Variants in ELL2 observed in about 807,000 individuals in gnomAD.
The protein encoded by ELL2 is RNA polymerase II elongation factor ELL2.
Under a neutral mutation model 72.8 loss-of-function variants are expected in ELL2, and 21 were observed. That is an observed-to-expected ratio of 0.29 (90% CI 0.20 to 0.42). The LOEUF is 0.42. Ranked by LOEUF, ELL2 falls within the 10% of genes least tolerant of loss-of-function variation. The probability of loss-of-function intolerance (pLI) is 1.00; values close to 1 mark genes in which losing one functional copy is unlikely to be tolerated. For missense variants in ELL2, 568 were observed against 772.8 expected (o/e 0.73, Z 3.14); for synonymous variants, 266 against 283.2 (o/e 0.94, Z 0.61).
chr5:95,894,254 G>A (rs28576772), intron 9 of ELL2, among the ~76,000 whole-genome samples: 2 of 152,252 alleles, frequency 1.3e-5, no homozygotes, highest in East Asian at 1.9e-4. Flanking sequence ...AACAAAAAAA[G>A]GGGGGATTAA....
intron 9 of ELL2, among the ~76,000 whole-genome samples, chr5:95,893,234 ATTG>A (rs1748732974): frequency 6.6e-6 from 1 of 152,194 alleles, no homozygotes; most frequent in Non-Finnish European, 1.5e-5. Context: ...TTTACGAAAA[ATTG>A]TTGTAGTTCT....
intron 2 of ELL2, among the ~76,000 whole-genome samples, chr5:95,939,348 A>T (rs573658698): frequency 1.5e-5 from 2 of 137,780 alleles, no homozygotes; most frequent in South Asian, 2.3e-4. Flanking sequence ...CTGAGGGTGG[A>T]GCCCATGCCA....
At chr5:95,923,315 C>G (rs542275588) in intron 2 of ELL2, among the ~76,000 whole-genome samples, 254 of 151,960 alleles carry the variant, frequency 1.7e-3, no homozygotes, top group Non-Finnish European at 2.5e-3. Context: ...TTGTTCTTAT[C>G]ATATGCCACA....
At chr5:95,904,386 GT>G (rs1580488826) in intron 5 of ELL2, among the ~76,000 whole-genome samples, 2 of 152,198 alleles carry the variant, frequency 1.3e-5, no homozygotes, top group East Asian at 3.9e-4. Context: ...TTAAAATTTA[GT>G]TTTTCCATAA....
chr5:95,956,370 G>A (rs1751627767), intron 1 of ELL2, among the ~76,000 whole-genome samples: 1 of 152,176 alleles, frequency 6.6e-6, no homozygotes, highest in Non-Finnish European at 1.5e-5. Flanking sequence ...AGCACAGACT[G>A]AAAATGGGTC....
chr5:95,948,652 C>T (rs1751267661), intron 1 of ELL2, among the ~76,000 whole-genome samples: 2 of 152,140 alleles, frequency 1.3e-5, no homozygotes, highest in South Asian at 4.1e-4. Flanking sequence ...TATCTTTAAA[C>T]ATTTGCTGAA....
chr5:95,901,162 A>G (rs1749123944), intron 5 of ELL2, 82 bp from the exon 6 acceptor site: 1 of 1,427,092 alleles, frequency 7.0e-7, no homozygotes, highest in Admixed American at 2.6e-5. Context: ...TAGGATTTAC[A>G]CTGAAAATAA....
rs1169301940 is a variant in ELL2 at position 95,954,596 on chromosome 5, C to CTTTTTTTTTTTTTT, written c.147+6965_147+6978dup. Among the ~76,000 whole-genome samples, 403 of 105,896 alleles carry CTTTTTTTTTTTTTT rather than the reference C, an allele frequency of 3.8e-3. 1 individual carries two copies. The highest frequency in any genetic ancestry group is 0.017 in the East Asian group (60 of 3,448). 69.5% of individuals were successfully genotyped at this position (105,896 alleles called of 152,430 possible). On this transcript the variant is annotated intron_variant, in intron 1 of 11. Coordinates refer to ENST00000237853, the MANE Select transcript of ELL2 (RefSeq NM_012081.6). ...TAATTTTCTTTTCTTTTTTTTTTTT[C>CTTTTTTTTTTTTTT]TTTTTTTTTTTTTTTTTTGTATTTT...
At chr5:95,953,900 C>T (rs1406307415) in intron 1 of ELL2, among the ~76,000 whole-genome samples, 1 of 152,120 alleles carries the variant, frequency 6.6e-6, no homozygotes, top group Non-Finnish European at 1.5e-5. Flanking sequence ...GGTCTGATTT[C>T]CATGTTAAAA....
intron 3 of ELL2, among the ~76,000 whole-genome samples, chr5:95,916,849 TAGAGTGAAGG>T (rs1749829322): frequency 6.6e-6 from 1 of 151,528 alleles, no homozygotes; most frequent in Admixed American, 6.6e-5. Flanking sequence ...ATGACTGCAA[TAGAGTGAAGG>T]TCTGGTGGCA....
intron 1 of ELL2, among the ~76,000 whole-genome samples, chr5:95,949,344 A>T (rs1302289612): frequency 4.6e-5 from 7 of 152,154 alleles, no homozygotes; most frequent in Non-Finnish European, 1.0e-4. Flanking sequence ...CATATTGCTT[A>T]CCCATGTAAA....
At chr5:95,924,419 A>G (rs1291188746) in intron 2 of ELL2, among the ~76,000 whole-genome samples, 4 of 152,184 alleles carry the variant, frequency 2.6e-5, no homozygotes, top group African/African-American at 9.7e-5. Flanking sequence ...CAATATTGGA[A>G]GACCATTCCT....
At chr5:95,960,703 CCT>C (rs1365195261) in intron 1 of ELL2, among the ~76,000 whole-genome samples, 1 of 152,088 alleles carries the variant, frequency 6.6e-6, no homozygotes, top group Non-Finnish European at 1.5e-5. Context: ...CGTCCGTGAA[CCT>C]CTCTCTCCAG....
At chr5:95,945,522 A>C (rs1751125465) in intron 1 of ELL2, among the ~76,000 whole-genome samples, 1 of 152,128 alleles carries the variant, frequency 6.6e-6, no homozygotes. Flanking sequence ...TGGGGTATTC[A>C]AGAGTGTGGG....
chr5:95,916,158 T>C (rs1228200823), intron 3 of ELL2, among the ~76,000 whole-genome samples: 3 of 151,750 alleles, frequency 2.0e-5, no homozygotes, highest in Non-Finnish European at 2.9e-5. Context: ...TGACAAAACG[T>C]GGTCAGTAGT....
Position 95,898,452 on chromosome 5 carries a change from A to C in ELL2, c.1313T>G (p.Leu438Ter). 1 of 1,613,750 alleles carries C rather than the reference A, an allele frequency of 6.2e-7. No individual in the cohort carries two copies. Among genetic ancestry groups the C allele is most frequent in the Non-Finnish European group, 8.5e-7 (1 of 1,179,930 alleles). Residue 438 changes from leucine (L) to a stop codon, truncating the protein, a stop_gained, in exon 8 of 12, where the codon TTA (leucine) becomes TGA (stop). Transcript: ENST00000237853. LOFTEE classifies it high-confidence loss of function. ...CTTTAGTAGAACGGAACCAGGGGGT[A>C]AGGTTTCCAGAGAAGTCCTAGAGGT... ...KYTSRTSLET[L>*]PPGSVLLKCP...
chr5:95,953,365 C>T (rs757808283), intron 1 of ELL2, among the ~76,000 whole-genome samples: 2 of 152,210 alleles, frequency 1.3e-5, no homozygotes, highest in Non-Finnish European at 2.9e-5. Flanking sequence ...TTAAGATACT[C>T]AGCTGACTTT....
chr5:95,948,452 A>AAAAAAAAAAAAAAC (rs1169258412), intron 1 of ELL2, among the ~76,000 whole-genome samples: 1 of 150,358 alleles, frequency 6.7e-6, no homozygotes, highest in African/African-American at 2.4e-5. Flanking sequence ...AAAAAAAAAA[A>AAAAAAAAAAAAAAC]AGCCACAGGA....
intron 4 of ELL2, among the ~76,000 whole-genome samples, chr5:95,907,296 A>ATATATATTTTTTTTTT: frequency 1.7e-5 from 2 of 116,522 alleles, no homozygotes; most frequent in South Asian, 3.0e-4. Context: ...ATATATATAT[A>ATATATATTTTTTTTTT]TTTTTTTTTT....
Sources: allele counts gnomAD v4.1 joint callset (sites outside exome capture counted in the v4.1 genomes callset), GRCh38; gene constraint gnomAD v4.1.1; transcripts MANE v1.5; gene names NCBI Gene and HGNC (gene_info 2026-07-23, HGNC 2026-07-21).